AP3S1: variants seen among roughly 807,000 people sequenced by gnomAD.
The protein encoded by AP3S1 is adaptor related protein complex 3 subunit sigma 1, also known as AP-3 complex subunit sigma-1.
Under a neutral mutation model 21.3 loss-of-function variants are expected in AP3S1, and 12 were observed. The observed-to-expected ratio is 0.56, with a 90% CI of 0.36 to 0.91. The LOEUF is 0.91. Among genes scored for constraint, AP3S1 ranks in the 40% least tolerant of loss-of-function variants. The probability of loss-of-function intolerance (pLI) is 0.01; values close to 1 mark genes in which losing one functional copy is unlikely to be tolerated. For missense variants in AP3S1, 116 were observed against 225.0 expected, an observed-to-expected ratio of 0.52 and a Z score of 3.10; for synonymous variants, 48 against 78.4, an observed-to-expected ratio of 0.61 and a Z score of 2.05.
Position 115,883,740 on chromosome 5 carries a change from G to A in AP3S1, c.274-11347G>A, listed in dbSNP as rs187259939. On this transcript the variant is annotated intron_variant, in intron 3 of 5. Coordinates refer to ENST00000316788, the MANE Select transcript of AP3S1 (RefSeq NM_001284.4). The stretch of plus-strand genomic sequence containing the variant: ...ATCATACCATATTCAACTATAGGTA[G>A]AAGAATGTATTTTTAGGCGAAATAC... Among the ~76,000 whole-genome samples the A allele has an allele frequency of 2.5e-3, 387 of 152,308 alleles. 3 individuals are homozygous for A. The highest frequency in any genetic ancestry group is 8.8e-3 in the African/African-American group (365 of 41,570).
intron 5 of AP3S1, among the ~76,000 whole-genome samples, chr5:115,908,157 G>A (rs1165008679): frequency 6.6e-6 from 1 of 152,018 alleles, no homozygotes; most frequent in South Asian, 2.1e-4. Context: ...CAAAACTGGG[G>A]TACCGTTTTT....
chr5:115,875,424 A>G (rs899537172), intron 3 of AP3S1, among the ~76,000 whole-genome samples: 149 of 152,302 alleles, frequency 9.8e-4, no homozygotes, highest in African/African-American at 3.5e-3. Flanking sequence ...CTCATCTATC[A>G]TGATGGTAGG....
chr5:115,884,661 A>G (rs1749619677), intron 3 of AP3S1, among the ~76,000 whole-genome samples: 1 of 152,260 alleles, frequency 6.6e-6, no homozygotes, highest in Non-Finnish European at 1.5e-5. Context: ...AAGTATTCTT[A>G]CAATACCACA....
chr5:115,893,231 A>T (rs552826992), intron 3 of AP3S1, among the ~76,000 whole-genome samples: 19 of 152,276 alleles, frequency 1.2e-4, no homozygotes, highest in African/African-American at 4.3e-4. Context: ...AGAAGCAGAG[A>T]GTGTCATGAC....
intron 5 of AP3S1, 123 bp from the exon 6 acceptor site, chr5:115,913,239 C>T: frequency 1.1e-6 from 1 of 948,738 alleles, no homozygotes; most frequent in Non-Finnish European, 1.5e-6. Context: ...ATTCAAACTA[C>T]CATCTGGTCC....
intron 5 of AP3S1, among the ~76,000 whole-genome samples, chr5:115,904,664 C>G (rs897634999): frequency 6.6e-6 from 1 of 151,928 alleles, no homozygotes; most frequent in Non-Finnish European, 1.5e-5. Flanking sequence ...TGTTTTAGGA[C>G]AAGGAAAAAG....
chr5:115,872,708 A>G (rs958748873), intron 3 of AP3S1, among the ~76,000 whole-genome samples: 6 of 151,374 alleles, frequency 4.0e-5, no homozygotes, highest in East Asian at 3.9e-4. Flanking sequence ...GTAAAGAAAA[A>G]GAAGCCAAAT....
At chr5:115,865,984 G>C (rs936384785) in intron 1 of AP3S1, among the ~76,000 whole-genome samples, 2 of 152,128 alleles carry the variant, frequency 1.3e-5, no homozygotes, top group Non-Finnish European at 2.9e-5. Flanking sequence ...TTTTAGTAGA[G>C]ACGGGGTTTC....
chr5:115,843,164 G>A (rs1761767840), intron 1 of AP3S1, among the ~76,000 whole-genome samples: 1 of 152,206 alleles, frequency 6.6e-6, no homozygotes, highest in South Asian at 2.1e-4. Context: ...TTAATGTGAG[G>A]TATAACTGTT....
chr5:115,898,982 A>C (rs1750990442), intron 4 of AP3S1, among the ~76,000 whole-genome samples: 1 of 152,218 alleles, frequency 6.6e-6, no homozygotes, highest in South Asian at 2.1e-4. Context: ...AATCCAGGGC[A>C]AAATGAGAGA....
intron 1 of AP3S1, chr5:115,842,454 C>G (rs1761668967): frequency 4.9e-6 from 1 of 204,140 alleles, no homozygotes; most frequent in Non-Finnish European, 9.8e-6. Context: ...TGCGCCCAGT[C>G]CCCAAGAGCC....
rs758627732 is a variant in AP3S1, at chr5:115,902,884, G to T, written c.346-1G>T. On this transcript the variant is annotated splice_acceptor_variant, in intron 4 of 5. Transcript: ENST00000316788. LOFTEE classifies it high-confidence loss of function. ...GGTATATATTCTTTTATTCCCTTTA[G>T]GTTCACAATATTCTTGCAGAAATGG... 3.1e-6 allele frequency: 5 copies of T among 1,609,742 alleles called. No individual in the cohort carries two copies. The highest frequency in any genetic ancestry group is 1.1e-5 in the South Asian group (1 of 90,692).
Position 115,910,181 on chromosome 5 carries a change from CTT to C in AP3S1, c.454-3180_454-3179del, listed in dbSNP as rs1355276134. On this transcript the variant is annotated intron_variant, in intron 5 of 5. Transcript: ENST00000316788. ...ATTCAGGAGACAGATGGGAAGATCA[CTT>C]GAGCCCAGGAGTTCAAGGCTGCAGT... Among the ~76,000 whole-genome samples the C allele has an allele frequency of 2.7e-5, 4 of 150,780 alleles. No homozygotes were observed. The East Asian group carries it at 7.9e-4, about 30-fold the overall frequency.
intron 3 of AP3S1, among the ~76,000 whole-genome samples, chr5:115,872,174 C>G (rs114724062): frequency 0.016 from 2,498 of 152,128 alleles, 68 homozygotes; most frequent in African/African-American, 0.057. Flanking sequence ...CTGCACCTGT[C>G]GTCCCAATCA....
At position 115,849,145 on chromosome 5, in the gene AP3S1, A is replaced by T. The variant is rs369850130; in HGVS notation, c.69+7039A>T. 2.4e-4 allele frequency among the ~76,000 whole-genome samples: 36 copies of T among 152,336 alleles called. 1 individual carries two copies. The East Asian group carries it at 2.9e-3, about 12-fold the overall frequency. ...TATTCTAAGCACTAGTAATACAGTG[A>T]TAAGTAAGACGGATGTCACCCTTGC... On this transcript the variant is annotated intron_variant, in intron 1 of 5. Transcript: ENST00000316788.
rs573535343 is a variant in AP3S1 at position 115,857,760 on chromosome 5, C to G, written c.70-8910C>G. The stretch of plus-strand genomic sequence containing the variant: ...TTAAAAATGATTATTTGGCTGTCCT[C>G]TCCTCCACAACTAATTCCCAGTCCC... On this transcript the variant is annotated intron_variant, in intron 1 of 5. Coordinates refer to ENST00000316788, the MANE Select transcript of AP3S1 (RefSeq NM_001284.4). Among the ~76,000 whole-genome samples the G allele has an allele frequency of 5.3e-5, 8 of 152,306 alleles. No individual in the cohort carries two copies. In the South Asian group the frequency reaches 1.2e-3, roughly 24 times the overall value.
At chr5:115,850,134 A>G (rs894353269) in intron 1 of AP3S1, among the ~76,000 whole-genome samples, 13 of 152,166 alleles carry the variant, frequency 8.5e-5, no homozygotes, top group African/African-American at 1.2e-4. Context: ...CACTCTTGCA[A>G]GCCTGGTGTA....
chr5:115,872,815 G>A (rs1268206235), intron 3 of AP3S1, among the ~76,000 whole-genome samples: 1 of 152,046 alleles, frequency 6.6e-6, no homozygotes, highest in Non-Finnish European at 1.5e-5. Flanking sequence ...TCCCACCTAG[G>A]GGAGTAGTTA....
chr5:115,888,163 T>C lies in AP3S1; in HGVS notation c.274-6924T>C, dbSNP rs554279360. 3.3e-5 allele frequency among the ~76,000 whole-genome samples: 5 copies of C among 152,194 alleles called. No homozygotes were observed. In the South Asian group the frequency reaches 6.2e-4, roughly 19 times the overall value. ...CTACTCAGTAGTAGTTAGATACCTG[T>C]TATATTGAAATTGGCTTTAAACTTT... On this transcript the variant is annotated intron_variant, in intron 3 of 5. Transcript: ENST00000316788.
Sources: gnomAD v4.1 joint callset for allele counts (sites outside exome capture counted in the v4.1 genomes callset) on GRCh38, gnomAD v4.1.1 for gene constraint, MANE v1.5 for transcripts, NCBI Gene and HGNC (gene_info 2026-07-23, HGNC 2026-07-21) for gene names.